PEAK1: variants seen among roughly 807,000 people sequenced by gnomAD.
PEAK1 encodes pseudopodium enriched atypical kinase 1.
A neutral mutation model predicts 124.7 loss-of-function variants in PEAK1; 54 were observed. That is an observed-to-expected ratio of 0.43 (90% CI 0.35 to 0.54). The LOEUF (loss-of-function observed/expected upper bound fraction) is 0.54, where lower values mean the gene tolerates loss of function less well. Ranked by LOEUF, PEAK1 falls within the 20% of genes least tolerant of loss-of-function variation. The pLI is 0.01. For synonymous variants in PEAK1, 719 were observed against 760.0 expected (o/e 0.95, Z 0.89); for missense variants, 2,046 against 2,134.5 (o/e 0.96, Z 0.82).
chr15:77,417,355 T>C, intron 1 of PEAK1: 1 of 983,696 alleles, frequency 1.0e-6, no homozygotes, highest in Non-Finnish European at 1.2e-6. Context: ...CTAGGATTTC[T>C]ACTTCACTAA....
chr15:77,188,908 T>A (rs2057684886), intron 6 of PEAK1, among the ~76,000 whole-genome samples: 1 of 152,054 alleles, frequency 6.6e-6, no homozygotes, highest in Non-Finnish European at 1.5e-5. Context: ...TAAAAACTCA[T>A]AATTCGGCCA....
At position 77,113,381 on chromosome 15, in the gene PEAK1, T is replaced by C. The variant is rs764648263; in HGVS notation, c.*775A>G. On this transcript the variant is annotated 3_prime_UTR_variant, in exon 10 of 10. Coordinates refer to ENST00000682557, the MANE Select transcript of PEAK1 (RefSeq NM_001385026.1). ...AACTGCACTCCACCCTGCTGAGGCATTGGTGACACCACCTTGGGTCAGCTC... is the reference window on the plus strand; with the variant it reads ...AACTGCACTCCACCCTGCTGAGGCACTGGTGACACCACCTTGGGTCAGCTC... 1 of 152,338 alleles carries C rather than the reference T, an allele frequency of 6.6e-6. No homozygotes were observed. The highest frequency in any genetic ancestry group is 2.4e-5 in the African/African-American group (1 of 41,468). The allele number at this position is 152,338 out of a possible 1,614,324, so 9.4% of individuals were successfully genotyped here.
intron 1 of PEAK1, among the ~76,000 whole-genome samples, chr15:77,407,098 T>A (rs1355388209): frequency 6.6e-6 from 1 of 152,114 alleles, no homozygotes; most frequent in African/African-American, 2.4e-5. Flanking sequence ...GATCCTCATC[T>A]CACCTTACAC....
At chr15:77,277,512 TA>T (rs142960930) in intron 5 of PEAK1, among the ~76,000 whole-genome samples, 3,447 of 152,262 alleles carry the variant, frequency 0.023, 111 homozygotes, top group African/African-American at 0.072. Flanking sequence ...ATGGAACTAA[TA>T]GGGGAAACTC....
At position 77,296,710 on chromosome 15, in the gene PEAK1, T is replaced by C. The variant is rs186906624; in HGVS notation, c.-602-10206A>G. On this transcript the variant is annotated intron_variant, in intron 2 of 9. Coordinates refer to ENST00000682557, the MANE Select transcript of PEAK1 (RefSeq NM_001385026.1). ...AAAATTGAAATAAAATAAAATAAAA[T>C]GGTAGAGGACGAGTTTATCCTAGGG... 1.3e-3 allele frequency among the ~76,000 whole-genome samples: 202 copies of C among 151,698 alleles called. 2 individuals are homozygous for C. The highest frequency in any genetic ancestry group is 4.7e-3 in the African/African-American group (192 of 41,100).
intron 2 of PEAK1, among the ~76,000 whole-genome samples, chr15:77,343,650 T>C (rs1039066499): frequency 1.3e-5 from 2 of 152,074 alleles, no homozygotes; most frequent in African/African-American, 2.4e-5. Flanking sequence ...CATGCCCGGC[T>C]AATTTTTGTA....
At chr15:77,319,383 A>G (rs1229535045) in intron 2 of PEAK1, among the ~76,000 whole-genome samples, 2 of 152,226 alleles carry the variant, frequency 1.3e-5, no homozygotes, top group Non-Finnish European at 2.9e-5. Context: ...ATAAGGAAAA[A>G]TAAGTGTATA....
intron 1 of PEAK1, among the ~76,000 whole-genome samples, chr15:77,398,547 T>A (rs538284238): frequency 8.6e-4 from 131 of 151,808 alleles, no homozygotes; most frequent in African/African-American, 2.9e-3. Flanking sequence ...TGAAAAAGCA[T>A]TTGCTAAAAT....
chr15:77,166,941 A>C (rs1037717460), intron 7 of PEAK1, among the ~76,000 whole-genome samples: 2 of 152,150 alleles, frequency 1.3e-5, no homozygotes, highest in Non-Finnish European at 2.9e-5. Context: ...TTACCTGGGG[A>C]GCTTGTTAAA....
rs376285400 is a variant in PEAK1, at chr15:77,179,651, G to A, written c.2276C>T (p.Thr759Ile). The change falls in exon 7 of 10, where the codon ACC becomes ATC. Residue 759 changes from threonine to isoleucine, a missense_variant. Coordinates refer to ENST00000682557, the MANE Select transcript of PEAK1 (RefSeq NM_001385026.1). The part of the protein sequence containing the change: ...QESQMVGSSS[T>I]REKASTVLSQ... ...AAGCACTGTGCTTGCTTTCTCTCTGGTGCTGCTGCTGCCCACCATCTGAGA... is the reference window on the plus strand; with the variant it reads ...AAGCACTGTGCTTGCTTTCTCTCTGATGCTGCTGCTGCCCACCATCTGAGA... 12 of 1,613,966 alleles carry A rather than the reference G, an allele frequency of 7.4e-6. No homozygotes were observed. The South Asian group carries it at 9.9e-5, about 13-fold the overall frequency.
chr15:77,129,601 A>ATTTT (rs11411981), intron 9 of PEAK1, among the ~76,000 whole-genome samples: 2 of 139,630 alleles, frequency 1.4e-5, no homozygotes, highest in Non-Finnish European at 1.5e-5. Flanking sequence ...ATGACTGGCT[A>ATTTT]TTTTTTTTTT....
At chr15:77,158,274 C>T (rs1049598722) in intron 8 of PEAK1, 13 of 481,670 alleles carry the variant, frequency 2.7e-5, no homozygotes, top group African/African-American at 7.7e-5. Flanking sequence ...TCCCTCAAAG[C>T]AGTGTTAATA....
At chr15:77,103,714 C>T (rs982169444), downstream of PEAK1, 2 of 152,236 alleles carry the variant, frequency 1.3e-5, no homozygotes, top group African/African-American at 2.4e-5. Flanking sequence ...AGCTGTTGGC[C>T]ACTTAGTTGC....
At chr15:77,145,448 CA>C (rs199518110) in intron 8 of PEAK1, among the ~76,000 whole-genome samples, 184 of 137,460 alleles carry the variant, frequency 1.3e-3, no homozygotes, top group Admixed American at 4.0e-3. Flanking sequence ...GATTCCATCT[CA>C]AAAAAAAAAA....
At chr15:77,303,853 G>A (rs2063920134) in intron 2 of PEAK1, among the ~76,000 whole-genome samples, 1 of 152,076 alleles carries the variant, frequency 6.6e-6, no homozygotes, top group African/African-American at 2.4e-5. Context: ...GTTTTATGTT[G>A]TATATTTAGG....
chr15:77,165,583 T>C (rs750286229), intron 7 of PEAK1, among the ~76,000 whole-genome samples: 11 of 152,160 alleles, frequency 7.2e-5, no homozygotes, highest in Non-Finnish European at 1.3e-4. Context: ...CTTTTTTCAC[T>C]TTCCTCTTAT....
chr15:77,188,250 C>T (rs1027880007), intron 6 of PEAK1, among the ~76,000 whole-genome samples: 23 of 152,154 alleles, frequency 1.5e-4, no homozygotes, highest in African/African-American at 5.3e-4. Flanking sequence ...ATGAAATCTC[C>T]AGAAGCCCAT....
At position 77,180,833 on chromosome 15, in the gene PEAK1, C is replaced by T. The variant is rs2057218118; in HGVS notation, c.1094G>A (p.Cys365Tyr). 1 of 1,613,772 alleles carries T rather than the reference C, an allele frequency of 6.2e-7. No individual in the cohort carries two copies. Among genetic ancestry groups the T allele is most frequent in the South Asian group, 1.1e-5 (1 of 91,068 alleles). Reference sequence around the variant, plus strand: ...GTTACCAGGAGATAATCCCCCATTACAAATCTTCTGGGATAAACTACTGGC... The same window carrying T: ...GTTACCAGGAGATAATCCCCCATTATAAATCTTCTGGGATAAACTACTGGC... ...ETASSLSQKI[C>Y]NGGLSPGNPG... Residue 365 changes from cysteine to tyrosine, a missense_variant, in exon 7 of 10, where the codon TGT becomes TAT. Coordinates refer to ENST00000682557, the MANE Select transcript of PEAK1 (RefSeq NM_001385026.1).
At chr15:77,187,294 C>T (rs2057595009) in intron 6 of PEAK1, among the ~76,000 whole-genome samples, 1 of 152,134 alleles carries the variant, frequency 6.6e-6, no homozygotes, top group Non-Finnish European at 1.5e-5. Context: ...TCAAGAGTGG[C>T]CTATTTCACT....
Sources: allele counts gnomAD v4.1 joint callset (sites outside exome capture counted in the v4.1 genomes callset), GRCh38; gene constraint gnomAD v4.1.1; transcripts MANE v1.5; gene names NCBI Gene and HGNC (gene_info 2026-07-23, HGNC 2026-07-21).